The following SYNRG variants were observed in gnomAD, a reference collection of about 807,000 sequenced individuals.
The protein encoded by SYNRG is AP1 gamma subunit binding protein 1.
In SYNRG, 37 loss-of-function variants were observed where a neutral mutation model predicts 130.9. The observed-to-expected ratio is 0.28, with a 90% CI of 0.22 to 0.37. The LOEUF (loss-of-function observed/expected upper bound fraction) is 0.37, where lower values mean the gene tolerates loss of function less well. Ranked by LOEUF, SYNRG falls within the 10% of genes least tolerant of loss-of-function variation. The pLI, the probability that SYNRG is intolerant of heterozygous loss-of-function variation, is 1.00. For missense variants in SYNRG, 1,338 were observed against 1,588.9 expected, an observed-to-expected ratio of 0.84 and a Z score of 2.68; for synonymous variants, 539 against 568.1, an observed-to-expected ratio of 0.95 and a Z score of 0.73.
chr17:37,573,544 A>T (rs1419666949), intron 8 of SYNRG, among the ~76,000 whole-genome samples: 1 of 152,244 alleles, frequency 6.6e-6, no homozygotes, highest in Non-Finnish European at 1.5e-5. Context: ...ATATACCAAG[A>T]TCTAGATTTC....
At chr17:37,600,056 A>AT (rs1039827655) in intron 2 of SYNRG, among the ~76,000 whole-genome samples, 9 of 152,166 alleles carry the variant, frequency 5.9e-5, no homozygotes, top group Non-Finnish European at 1.2e-4. Context: ...AGCTCGTTTC[A>AT]TTTTTATCAC....
chr17:37,580,340 G>GCTA (rs2061198902), intron 6 of SYNRG, among the ~76,000 whole-genome samples: 1 of 150,698 alleles, frequency 6.6e-6, no homozygotes, highest in African/African-American at 2.4e-5. Flanking sequence ...TGATGCCCAG[G>GCTA]CTAGAGTGCA....
In SYNRG at chr17:37,577,632, G is replaced by C. The variant is rs1328140460; in HGVS notation, c.590-19C>G. The C allele has an allele frequency of 3.8e-6, 6 of 1,583,426 alleles. No individual in the cohort carries two copies. Among genetic ancestry groups the C allele is most frequent in the South Asian group, 1.1e-5 (1 of 90,428 alleles). On this transcript the variant is annotated intron_variant, in intron 6 of 21. Transcript: ENST00000612223. Reference sequence around the variant, plus strand: ...GAAGGGCCTAAACAAAGAGCATGAAGGATTATTTGTATATAACTGTATATG... The same window carrying C: ...GAAGGGCCTAAACAAAGAGCATGAACGATTATTTGTATATAACTGTATATG...
rs1353370959 is a variant in SYNRG, at chr17:37,515,249, G to A, written c.*3691C>T. The A allele has an allele frequency of 2.6e-5, 4 of 152,102 alleles. No homozygotes were observed. The highest frequency in any genetic ancestry group is 7.2e-5 in the African/African-American group (3 of 41,416). 9.4% of individuals were successfully genotyped at this position (152,102 alleles called of 1,614,324 possible). A position where few individuals can be genotyped will look rare whatever the true frequency, so the allele number is the denominator to read the frequency against. On this transcript the variant is annotated 3_prime_UTR_variant, in exon 22 of 22. Coordinates refer to ENST00000612223, the MANE Select transcript of SYNRG (RefSeq NM_007247.6). Reference sequence around the variant, plus strand: ...GGCCTGGCAAGGGGAGGGCTTTTCAGTATTGTTATTTGGTACACACTTACC... The same window carrying A: ...GGCCTGGCAAGGGGAGGGCTTTTCAATATTGTTATTTGGTACACACTTACC...
At chr17:37,582,854 C>CA (rs34351381) in intron 6 of SYNRG, among the ~76,000 whole-genome samples, 3 of 148,690 alleles carry the variant, frequency 2.0e-5, no homozygotes, top group South Asian at 4.2e-4. Flanking sequence ...GACCCTGTCT[C>CA]AAAAAAAAAG....
chr17:37,609,288 C>G lies in SYNRG; in HGVS notation c.68G>C (p.Gly23Ala). 1 of 1,452,020 alleles carries G rather than the reference C, an allele frequency of 6.9e-7. No homozygotes were observed. The highest frequency in any genetic ancestry group is 1.5e-5 in the African/African-American group (1 of 67,796). The allele number at this position is 1,452,020 out of a possible 1,614,324, so 89.9% of individuals were successfully genotyped here. A position where few individuals can be genotyped will look rare whatever the true frequency, so the allele number is the denominator to read the frequency against. Residue 23 changes from glycine (G) to alanine (A), a missense_variant, in exon 1 of 22, where the codon GGG becomes GCG. This residue lies in a region of SYNRG where 184 missense variants were observed against 217.2 expected (regional missense o/e 0.85). Coordinates refer to ENST00000612223, the MANE Select transcript of SYNRG (RefSeq NM_007247.6). ...GGCTCTTCACACCTACCCGCCTCCCCCGGCGGACCCCGCGCCAGCTCCCGC... is the reference window on the plus strand; with the variant it reads ...GGCTCTTCACACCTACCCGCCTCCCGCGGCGGACCCCGCGCCAGCTCCCGC... ...GAAGAGAGSA[G>A]GGGFMFPVAG... is the part of the protein sequence containing the mutation.
chr17:37,600,452 T>G, intron 1 of SYNRG, 49 bp from the exon 2 acceptor site: 1 of 1,570,808 alleles, frequency 6.4e-7, no homozygotes, highest in African/African-American at 1.3e-5. Flanking sequence ...TACAAAGATT[T>G]CAAATAACAC....
chr17:37,553,216 A>C lies in SYNRG; in HGVS notation c.2507T>G (p.Phe836Cys), dbSNP rs1407263946. The change falls in exon 14 of 22, where the codon TTT becomes TGT. Residue 836 changes from phenylalanine to cysteine, a missense_variant. Phe to Cys is a radical substitution (Grantham distance 205). Around this residue, in one of 3 missense-constraint regions of SYNRG, gnomAD observed 1,146 missense variants for 1,342.3 expected, o/e 0.85. Transcript: ENST00000612223. ...TCCCACATCAGCCAATTTCATGTCAAACTGAACAGAGAGTGCATCTTCAGA... is the reference window on the plus strand; with the variant it reads ...TCCCACATCAGCCAATTTCATGTCACACTGAACAGAGAGTGCATCTTCAGA... The part of the protein sequence containing the change: ...EDSEDALSVQ[F>C]DMKLADVGGD... 4 of 1,614,142 alleles carry C rather than the reference A, an allele frequency of 2.5e-6. No homozygotes were observed. Among genetic ancestry groups the C allele is most frequent in the Non-Finnish European group, 3.4e-6 (4 of 1,180,018 alleles).
intron 4 of SYNRG, among the ~76,000 whole-genome samples, chr17:37,586,166 G>A (rs1598531074): frequency 6.6e-6 from 1 of 151,816 alleles, no homozygotes. Context: ...CTAATATTTT[G>A]TATTTTTTGT....
chr17:37,529,790 T>C (rs1238609791), intron 19 of SYNRG: 1 of 1,551,536 alleles, frequency 6.4e-7, no homozygotes, highest in Admixed American at 2.0e-5. Context: ...TACCTTTTCT[T>C]CTAAGAGCTC....
At position 37,553,270 on chromosome 17, in the gene SYNRG, A is replaced by G. The variant is rs771186588; in HGVS notation, c.2453T>C (p.Ile818Thr). ...CTCCTTGCCAACACTGCTGCCACCA[A>G]TGGAAGGGAGATCTAAGGACTTCAC... ...ASVKSLDLPS[I>T]GGSSVGKEDS... The change falls in exon 14 of 22, where the codon ATT (isoleucine) becomes ACT (threonine). Residue 818 changes from isoleucine (I) to threonine (T), a missense_variant. Ile to Thr is a moderately conservative substitution (Grantham distance 89). Transcript: ENST00000612223. 3.7e-6 allele frequency: 6 copies of G among 1,613,716 alleles called. No individual in the cohort carries two copies. The highest frequency in any genetic ancestry group is 5.1e-6 in the Non-Finnish European group (6 of 1,179,952).
intron 1 of SYNRG, among the ~76,000 whole-genome samples, chr17:37,607,272 A>G (rs1598716080): frequency 6.6e-6 from 1 of 152,208 alleles, no homozygotes. Context: ...CCATGGACCA[A>G]TGATACTCAA....
chr17:37,549,737 C>G lies in SYNRG; in HGVS notation c.2608+3378G>C, dbSNP rs532881126. On this transcript the variant is annotated intron_variant, in intron 14 of 21. Transcript: ENST00000612223. ...TCCTGAGTAGCTGGGACTACAGGAGCCCACCACCGTGCCCGGCTAATTTTT... is the reference window on the plus strand; with the variant it reads ...TCCTGAGTAGCTGGGACTACAGGAGGCCACCACCGTGCCCGGCTAATTTTT... 3.8e-3 allele frequency among the ~76,000 whole-genome samples: 585 copies of G among 152,188 alleles called. 4 individuals carry two copies. The highest frequency in any genetic ancestry group is 0.013 in the African/African-American group (558 of 41,538).
intron 6 of SYNRG, chr17:37,579,545 G>A (rs1168810892): frequency 2.4e-6 from 2 of 841,572 alleles, no homozygotes; most frequent in East Asian, 1.4e-4. Context: ...AAATAGTGGA[G>A]GTGAACAAGA....
At chr17:37,592,564 C>T (rs937177952) in intron 3 of SYNRG, among the ~76,000 whole-genome samples, 6 of 152,134 alleles carry the variant, frequency 3.9e-5, no homozygotes, top group Non-Finnish European at 8.8e-5. Context: ...GTCATACATC[C>T]ACACCATGGA....
chr17:37,600,594 A>C lies in SYNRG; in HGVS notation c.78-191T>G, dbSNP rs1026027415. 4 of 702,918 alleles carry C rather than the reference A, an allele frequency of 5.7e-6. No homozygotes were observed. The African/African-American group carries it at 7.1e-5, about 13-fold the overall frequency. 43.5% of individuals were successfully genotyped at this position (702,918 alleles called of 1,614,324 possible). A position where few individuals can be genotyped will look rare whatever the true frequency, so the allele number is the denominator to read the frequency against. The stretch of plus-strand genomic sequence containing the variant: ...CATGTCAGCATGCTACTGCAGACGG[A>C]AACTTGTTGAAACAAAAGACAGAAG... On this transcript the variant is annotated intron_variant, in intron 1 of 21. Transcript: ENST00000612223.
intron 13 of SYNRG, among the ~76,000 whole-genome samples, chr17:37,557,588 C>T (rs375459359): frequency 6.6e-6 from 1 of 152,162 alleles, no homozygotes; most frequent in Non-Finnish European, 1.5e-5. Flanking sequence ...TTAAAAAGTA[C>T]TGAAATGTGG....
At chr17:37,602,897 G>A (rs192231391) in intron 1 of SYNRG, among the ~76,000 whole-genome samples, 1 of 152,196 alleles carries the variant, frequency 6.6e-6, no homozygotes, top group East Asian at 1.9e-4. Flanking sequence ...GGTGGCATGT[G>A]CCTGTAATCC....
chr17:37,607,053 A>T (rs2063810696), intron 1 of SYNRG, among the ~76,000 whole-genome samples: 1 of 152,238 alleles, frequency 6.6e-6, no homozygotes, highest in Non-Finnish European at 1.5e-5. Flanking sequence ...TTGAGGATAC[A>T]GCTTCTCAGC....
Sources: allele counts gnomAD v4.1 joint callset (sites outside exome capture counted in the v4.1 genomes callset), GRCh38; gene constraint gnomAD v4.1.1; regional missense constraint gnomAD v4.1.1; transcripts MANE v1.5; gene names NCBI Gene and HGNC (gene_info 2026-07-23, HGNC 2026-07-21).